Variants in CRPPA observed in about 807,000 individuals in gnomAD.
CRPPA encodes D-ribitol-5-phosphate cytidylyltransferase.
In CRPPA, 43 loss-of-function variants were observed where a neutral mutation model predicts 52.0. That is an observed-to-expected ratio of 0.83 (90% CI 0.65 to 1.07). The LOEUF (loss-of-function observed/expected upper bound fraction) is 1.07, where lower values mean the gene tolerates loss of function less well. Ranked by LOEUF, CRPPA falls within the 50% of genes least tolerant of loss-of-function variation. CRPPA has a pLI of 0.00. For synonymous variants in CRPPA, 250 were observed against 203.5 expected (o/e 1.23, Z -1.94); for missense variants, 629 against 551.7 (o/e 1.14, Z -1.40).
intron 9 of CRPPA, among the ~76,000 whole-genome samples, chr7:16,123,254 CAAAACAAAATAGTTTTCATTTCCTT>C (rs1782512414): frequency 6.6e-6 from 1 of 152,034 alleles, no homozygotes; most frequent in African/African-American, 2.4e-5. Flanking sequence ...TTCTTCCCTT[CAAAACAAAATAGTTTTCATTTCCTT>C]AGGTCTAATG....
intron 3 of CRPPA, among the ~76,000 whole-genome samples, chr7:16,352,924 CAT>C (rs1182885000): frequency 7.8e-6 from 1 of 128,326 alleles, no homozygotes; most frequent in Non-Finnish European, 1.7e-5. Context: ...CACACACACA[CAT>C]TGGAGTACTA....
intron 3 of CRPPA, among the ~76,000 whole-genome samples, chr7:16,359,483 G>C (rs1297456875): frequency 6.6e-6 from 1 of 152,178 alleles, no homozygotes; most frequent in Non-Finnish European, 1.5e-5. Flanking sequence ...GTAGCCAGCA[G>C]TTTTAACTGT....
intron 1 of CRPPA, among the ~76,000 whole-genome samples, chr7:16,420,734 A>T (rs1189933283): frequency 6.6e-6 from 1 of 152,168 alleles, no homozygotes; most frequent in Non-Finnish European, 1.5e-5. Context: ...CTATCCGCAC[A>T]GCTTCTCCTC....
At chr7:16,337,675 T>A (rs1785721034) in intron 3 of CRPPA, among the ~76,000 whole-genome samples, 1 of 151,880 alleles carries the variant, frequency 6.6e-6, no homozygotes, top group Non-Finnish European at 1.5e-5. Flanking sequence ...GATCAGAAAT[T>A]AACAACGGGA....
At chr7:16,345,424 T>C (rs1785987426) in intron 3 of CRPPA, among the ~76,000 whole-genome samples, 1 of 152,182 alleles carries the variant, frequency 6.6e-6, no homozygotes. Context: ...CCAGTAAAAG[T>C]AAGCACATAT....
chr7:16,197,711 A>G (rs1341760195), intron 9 of CRPPA, among the ~76,000 whole-genome samples: 1 of 150,042 alleles, frequency 6.7e-6, no homozygotes, highest in Non-Finnish European at 1.5e-5. Flanking sequence ...AAATCTCTGC[A>G]CTAGAGGCAA....
intron 9 of CRPPA, among the ~76,000 whole-genome samples, chr7:16,179,381 T>G (rs1781366885): frequency 6.6e-6 from 1 of 152,110 alleles, no homozygotes; most frequent in Admixed American, 6.6e-5. Context: ...AAAAGAAGTT[T>G]TGCAGGTATG....
At chr7:16,153,371 TA>T (rs1783113493) in intron 9 of CRPPA, among the ~76,000 whole-genome samples, 1 of 152,096 alleles carries the variant, frequency 6.6e-6, no homozygotes, top group African/African-American at 2.4e-5. Context: ...TTCACATTTC[TA>T]AAAGTTTTTT....
intron 1 of CRPPA, among the ~76,000 whole-genome samples, chr7:16,411,189 G>T (rs1175030222): frequency 6.6e-6 from 1 of 152,092 alleles, no homozygotes; most frequent in Non-Finnish European, 1.5e-5. Context: ...GCTCTATAAA[G>T]CACATTATCA....
chr7:16,219,133 G>C (rs1483577852), intron 8 of CRPPA, among the ~76,000 whole-genome samples: 1 of 151,892 alleles, frequency 6.6e-6, no homozygotes, highest in East Asian at 1.9e-4. Context: ...TCAGGATTAA[G>C]AATCTCACTC....
At chr7:16,381,441 G>A (rs1787086511) in intron 2 of CRPPA, among the ~76,000 whole-genome samples, 1 of 151,946 alleles carries the variant, frequency 6.6e-6, no homozygotes, top group Non-Finnish European at 1.5e-5. Flanking sequence ...TAGGTTTGGT[G>A]TGGTGCTGAA....
At chr7:16,158,595 T>A (rs1423851676) in intron 9 of CRPPA, among the ~76,000 whole-genome samples, 1 of 152,210 alleles carries the variant, frequency 6.6e-6, no homozygotes, top group Non-Finnish European at 1.5e-5. Context: ...ATGAACTTCA[T>A]GTATTGTAAT....
At chr7:16,286,156 C>A (rs1457906167) in intron 5 of CRPPA, among the ~76,000 whole-genome samples, 1 of 135,312 alleles carries the variant, frequency 7.4e-6, no homozygotes, top group Non-Finnish European at 1.5e-5. Flanking sequence ...TTTCCTGGCT[C>A]TGATGGTTAA....
intron 9 of CRPPA, among the ~76,000 whole-genome samples, chr7:16,096,582 A>G (rs1028105335): frequency 6.6e-6 from 1 of 152,176 alleles, no homozygotes; most frequent in Non-Finnish European, 1.5e-5. Flanking sequence ...TTGTTTTATC[A>G]TCTTGTTCAC....
chr7:16,168,140 T>C (rs1781105141), intron 9 of CRPPA, among the ~76,000 whole-genome samples: 2 of 152,216 alleles, frequency 1.3e-5, no homozygotes, highest in Admixed American at 6.5e-5. Flanking sequence ...GTTTTTAAGT[T>C]ACATAAGAAA....
At chr7:16,130,598 T>G (rs1782662855) in intron 9 of CRPPA, among the ~76,000 whole-genome samples, 1 of 152,230 alleles carries the variant, frequency 6.6e-6, no homozygotes, top group Non-Finnish European at 1.5e-5. Context: ...ATTGCAGGAT[T>G]TGGAAGGCTT....
intron 1 of CRPPA, among the ~76,000 whole-genome samples, chr7:16,412,861 G>A (rs1222508969): frequency 1.3e-5 from 2 of 152,134 alleles, no homozygotes; most frequent in Middle Eastern, 3.4e-3. Flanking sequence ...CAGACATTGA[G>A]GAAGAAATAT....
intron 2 of CRPPA, among the ~76,000 whole-genome samples, chr7:16,391,826 A>C (rs1787453631): frequency 6.6e-6 from 1 of 152,192 alleles, no homozygotes; most frequent in Non-Finnish European, 1.5e-5. Context: ...ACATTAGTGA[A>C]TCAGTGTTGT....
chr7:16,389,305 A>G (rs1039091585), intron 2 of CRPPA, among the ~76,000 whole-genome samples: 10 of 152,232 alleles, frequency 6.6e-5, no homozygotes, highest in Non-Finnish European at 1.0e-4. Flanking sequence ...AAGAAAGCCA[A>G]TTAGGGATAT....
Sources: allele counts gnomAD v4.1 joint callset (sites outside exome capture counted in the v4.1 genomes callset), GRCh38; gene constraint gnomAD v4.1.1; transcripts MANE v1.5; gene names NCBI Gene and HGNC (gene_info 2026-07-23, HGNC 2026-07-21).